ANKHD1: variants seen among roughly 807,000 people sequenced by gnomAD.
ANKHD1 encodes the protein ankyrin repeat and KH domain containing 1, also known as ankyrin repeat and KH domain-containing protein 1.
A neutral mutation model predicts 230.5 loss-of-function variants in ANKHD1; 31 were observed. That is an observed-to-expected ratio of 0.13 (90% CI 0.10 to 0.18). The LOEUF (loss-of-function observed/expected upper bound fraction) is 0.18, where lower values mean the gene tolerates loss of function less well. ANKHD1 is among the 10% of genes least tolerant of loss of function. ANKHD1 has a pLI of 1.00. For synonymous variants in ANKHD1, 1,074 were observed against 1,117.6 expected (o/e 0.96, Z 0.78); for missense variants, 2,256 against 3,071.3 (o/e 0.73, Z 6.27).
chr5:140,487,379 C>A (rs1561790219), intron 14 of ANKHD1, among the ~76,000 whole-genome samples: 1 of 152,032 alleles, frequency 6.6e-6, no homozygotes, highest in Non-Finnish European at 1.5e-5. Context: ...TTTGATAATT[C>A]TTTAGCTAAC....
chr5:140,514,044 GCATGGTGGTA>G (rs903224633), intron 24 of ANKHD1, among the ~76,000 whole-genome samples: 13 of 151,648 alleles, frequency 8.6e-5, no homozygotes, highest in African/African-American at 2.9e-4. Flanking sequence ...AAACAGTTGG[GCATGGTGGTA>G]CATGCCTGCA....
intron 7 of ANKHD1, among the ~76,000 whole-genome samples, chr5:140,453,646 T>A (rs1774927044): frequency 6.6e-6 from 1 of 152,132 alleles, no homozygotes. Context: ...TAAAATCCTT[T>A]ACAGACAAGC....
rs543075207 is a variant in ANKHD1 at position 140,437,500 on chromosome 5, C to G, written c.461-961C>G. On this transcript the variant is annotated intron_variant, in intron 2 of 33. Transcript: ENST00000360839. Reference sequence around the variant, plus strand: ...GGTGGATCACTTGAGGTCAGGACTTCGAGACCAGCCTGGCCCACATGGTGA... The same window carrying G: ...GGTGGATCACTTGAGGTCAGGACTTGGAGACCAGCCTGGCCCACATGGTGA... 2.6e-5 allele frequency among the ~76,000 whole-genome samples: 4 copies of G among 152,254 alleles called. 1 individual carries two copies. The South Asian group carries it at 8.3e-4, about 32-fold the overall frequency.
chr5:140,428,002 G>A (rs1435828784), intron 1 of ANKHD1, among the ~76,000 whole-genome samples: 5 of 152,056 alleles, frequency 3.3e-5, no homozygotes, highest in Admixed American at 2.0e-4. Context: ...CGGACAGGGC[G>A]GCAGGGCAGA....
chr5:140,421,650 T>C (rs1771993947), intron 1 of ANKHD1, among the ~76,000 whole-genome samples: 1 of 152,162 alleles, frequency 6.6e-6, no homozygotes, highest in Non-Finnish European at 1.5e-5. Flanking sequence ...AATTCAATGT[T>C]TAAGTAACAT....
intron 6 of ANKHD1, among the ~76,000 whole-genome samples, chr5:140,446,422 G>A (rs543446098): frequency 2.0e-5 from 3 of 152,220 alleles, no homozygotes; most frequent in South Asian, 2.1e-4. Context: ...GTGCAGTGGC[G>A]CGAACTCAGC....
At chr5:140,489,742 A>G (rs985684626) in intron 14 of ANKHD1, among the ~76,000 whole-genome samples, 1 of 152,158 alleles carries the variant, frequency 6.6e-6, no homozygotes, top group African/African-American at 2.4e-5. Flanking sequence ...AACATGGACT[A>G]CCTTTCTAAG....
At position 140,436,276 on chromosome 5, in the gene ANKHD1, T is replaced by C. The variant is rs1215329496; in HGVS notation, c.460+19T>C. The C allele has an allele frequency of 1.3e-6, 2 of 1,522,272 alleles. No homozygotes were observed. The highest frequency in any genetic ancestry group is 2.2e-5 in the Admixed American group (1 of 44,492). The allele number at this position is 1,522,272 out of a possible 1,614,324, so 94.3% of individuals were successfully genotyped here. A position where few individuals can be genotyped will look rare whatever the true frequency, so the allele number is the denominator to read the frequency against. On this transcript the variant is annotated intron_variant, in intron 2 of 33. Transcript: ENST00000360839. ...GCAGCAGGTACTTTATTTTTTGTTT[T>C]ATCTTTTTCATATCTTTAAAAGTCT...
At chr5:140,432,311 C>T (rs1773108835) in intron 1 of ANKHD1, among the ~76,000 whole-genome samples, 1 of 152,184 alleles carries the variant, frequency 6.6e-6, no homozygotes, top group Non-Finnish European at 1.5e-5. Context: ...CTATGCTGGA[C>T]ATTTCATATA....
intron 1 of ANKHD1, among the ~76,000 whole-genome samples, chr5:140,405,180 A>C (rs2126833229): frequency 6.6e-6 from 1 of 152,158 alleles, no homozygotes. Context: ...CTGTTTACTT[A>C]TGTTTTCTGT....
intron 24 of ANKHD1, among the ~76,000 whole-genome samples, chr5:140,523,806 C>T (rs867145401): frequency 3.3e-5 from 5 of 152,200 alleles, no homozygotes; most frequent in South Asian, 2.1e-4. Flanking sequence ...GGTAATCCAC[C>T]GACCTCGGCC....
intron 11 of ANKHD1, among the ~76,000 whole-genome samples, chr5:140,484,018 A>G (rs1485305598): frequency 6.6e-6 from 1 of 152,212 alleles, no homozygotes; most frequent in East Asian, 1.9e-4. Context: ...GAATAGGAAC[A>G]CATTGATTAT....
At chr5:140,462,724 C>CAAAAA (rs70988762) in intron 9 of ANKHD1, among the ~76,000 whole-genome samples, 1 of 89,032 alleles carries the variant, frequency 1.1e-5, no homozygotes, top group Non-Finnish European at 2.1e-5. Context: ...GACTCCATCT[C>CAAAAA]AAAAAAAAAA....
At chr5:140,457,018 AC>A (rs1253256034) in intron 7 of ANKHD1, among the ~76,000 whole-genome samples, 1 of 151,612 alleles carries the variant, frequency 6.6e-6, no homozygotes, top group African/African-American at 2.4e-5. Flanking sequence ...CAAGAAAAAA[AC>A]AACCCCATCA....
chr5:140,415,218 C>CT, intron 1 of ANKHD1, among the ~76,000 whole-genome samples: 1 of 151,078 alleles, frequency 6.6e-6, no homozygotes, highest in Non-Finnish European at 1.5e-5. Flanking sequence ...CCCATCTCTA[C>CT]TAAAAAATAC....
At chr5:140,472,148 C>T (rs747856083) in intron 10 of ANKHD1, 27 of 1,008,148 alleles carry the variant, frequency 2.7e-5, no homozygotes, top group Non-Finnish European at 3.8e-5. Context: ...CAAAGCCCAC[C>T]ATCTGAAGTA....
Position 140,504,892 on chromosome 5 carries a change from T to A in ANKHD1, c.3076T>A (p.Cys1026Ser). ...QTTECLTPES[C>S]SQTTSNVASQ... ...CACAGAGTGTCTTACACCTGAATCC[T>A]GTTCGCAGACTACAAGCAATGTGGC... The change falls in exon 16 of 34, where the codon TGT (cysteine) becomes AGT (serine). Residue 1026 changes from cysteine (C) to serine (S), a missense_variant. By Grantham distance (112) the Cys-to-Ser change is moderately radical. Coordinates refer to ENST00000360839, the MANE Select transcript of ANKHD1 (RefSeq NM_017747.3). 1 of 1,614,220 alleles carries A rather than the reference T, an allele frequency of 6.2e-7. No homozygotes were observed. The highest frequency in any genetic ancestry group is 1.1e-5 in the South Asian group (1 of 91,086).
rs185985547 is a variant in ANKHD1, at chr5:140,425,045, A to G, written c.307-11059A>G. On this transcript the variant is annotated intron_variant, in intron 1 of 33. Transcript: ENST00000360839. ...TAAAGGTACTTAATAGTAGATTTTTAAAAAGATTTTTCCTTCTCCTGTTTT... is the reference window on the plus strand; with the variant it reads ...TAAAGGTACTTAATAGTAGATTTTTGAAAAGATTTTTCCTTCTCCTGTTTT... 3.2e-4 allele frequency among the ~76,000 whole-genome samples: 48 copies of G among 152,342 alleles called. No homozygotes were observed. In the East Asian group the frequency reaches 9.2e-3, roughly 29 times the overall value.
intron 24 of ANKHD1, among the ~76,000 whole-genome samples, chr5:140,519,556 A>C (rs1034924630): frequency 1.3e-5 from 2 of 152,166 alleles, no homozygotes; most frequent in African/African-American, 2.4e-5. Context: ...ACCAAAACAG[A>C]ATGTTACTGG....
Sources: allele counts gnomAD v4.1 joint callset (sites outside exome capture counted in the v4.1 genomes callset), GRCh38; gene constraint gnomAD v4.1.1; transcripts MANE v1.5; gene names NCBI Gene and HGNC (gene_info 2026-07-23, HGNC 2026-07-21).